SLC25A26: variants seen among roughly 807,000 people sequenced by gnomAD.
SLC25A26 encodes solute carrier family 25 member 26, also known as mitochondrial S-adenosylmethionine carrier protein.
A neutral mutation model predicts 37.8 loss-of-function variants in SLC25A26; 36 were observed. The observed-to-expected ratio is 0.95, with a 90% confidence interval of 0.73 to 1.26. The LOEUF (loss-of-function observed/expected upper bound fraction) is 1.26, where lower values mean the gene tolerates loss of function less well. Ranked by LOEUF, SLC25A26 falls within the 50% of genes most tolerant of loss-of-function variation. The pLI, the probability that SLC25A26 is intolerant of heterozygous loss-of-function variation, is 0.00. For synonymous variants in SLC25A26, 129 were observed against 122.5 expected (o/e 1.05, Z -0.35); for missense variants, 390 against 331.1 (o/e 1.18, Z -1.38).
intron 1 of SLC25A26, among the ~76,000 whole-genome samples, chr3:66,205,502 G>A (rs2071164646): frequency 6.6e-6 from 1 of 152,170 alleles, no homozygotes; most frequent in African/African-American, 2.4e-5. Context: ...ATAAACGCAA[G>A]GGTCTTGTGT....
chr3:66,300,079 T>C (rs2075027675), intron 5 of SLC25A26, among the ~76,000 whole-genome samples: 1 of 152,194 alleles, frequency 6.6e-6, no homozygotes, highest in Non-Finnish European at 1.5e-5. Flanking sequence ...TCTTTGAAGC[T>C]TGCTGTGTCA....
At chr3:66,202,876 C>A (rs2071128516) in intron 1 of SLC25A26, among the ~76,000 whole-genome samples, 1 of 152,106 alleles carries the variant, frequency 6.6e-6, no homozygotes, top group Non-Finnish European at 1.5e-5. Flanking sequence ...AATTAGTTTA[C>A]CATAACAAAA....
At chr3:66,158,639 G>T (rs1045214477) in intron 1 of SLC25A26, among the ~76,000 whole-genome samples, 2 of 152,136 alleles carry the variant, frequency 1.3e-5, no homozygotes, top group Non-Finnish European at 2.9e-5. Flanking sequence ...TTGGTTATGG[G>T]CTGGTTATTC....
At chr3:66,284,276 G>A (rs901550176) in intron 5 of SLC25A26, among the ~76,000 whole-genome samples, 1 of 152,200 alleles carries the variant, frequency 6.6e-6, no homozygotes, top group African/African-American at 2.4e-5. Flanking sequence ...TTGAGCCCAG[G>A]AAGTGGAGGC....
chr3:66,238,378 T>C (rs1275697929), intron 2 of SLC25A26, among the ~76,000 whole-genome samples: 5 of 150,720 alleles, frequency 3.3e-5, no homozygotes, highest in Admixed American at 6.6e-5. Context: ...TGTGTTTTAT[T>C]ATTATTATTA....
chr3:66,239,297 T>C (rs1200983565), intron 2 of SLC25A26, among the ~76,000 whole-genome samples: 7 of 151,938 alleles, frequency 4.6e-5, no homozygotes, highest in Non-Finnish European at 8.8e-5. Flanking sequence ...ACAATCTCTT[T>C]TATGGTTTTC....
At chr3:66,257,202 T>C (rs1010487393) in intron 3 of SLC25A26, among the ~76,000 whole-genome samples, 2 of 152,160 alleles carry the variant, frequency 1.3e-5, no homozygotes, top group Admixed American at 6.5e-5. Flanking sequence ...AGATAAGGTA[T>C]AATTTTGGAA....
At chr3:66,173,379 G>A (rs1465761582) in intron 1 of SLC25A26, among the ~76,000 whole-genome samples, 1 of 152,142 alleles carries the variant, frequency 6.6e-6, no homozygotes, top group Non-Finnish European at 1.5e-5. Flanking sequence ...TAGGGTACTG[G>A]TACCAGCAGA....
intron 5 of SLC25A26, among the ~76,000 whole-genome samples, chr3:66,269,646 G>A (rs1055093912): frequency 5.3e-5 from 8 of 152,074 alleles, no homozygotes; most frequent in East Asian, 3.8e-4. Context: ...AGCAACTATC[G>A]CCAGAACTTC....
In SLC25A26 at chr3:66,289,075, C is replaced by T. The variant is rs1313753062; in HGVS notation, c.453+25696C>T. On this transcript the variant is annotated intron_variant, in intron 5 of 9. Transcript: ENST00000354883. ...TTTTAATTTGCATTTCTCTAATGCC[C>T]ATTGATGATGAGCATTTTTTCATAT... is the stretch of plus-strand genomic sequence containing the variant. Among the ~76,000 whole-genome samples, 3 of 152,262 alleles carry T rather than the reference C, an allele frequency of 2.0e-5. No homozygotes were observed. In the East Asian group the frequency reaches 5.8e-4, roughly 29 times the overall value.
chr3:66,221,828 C>G (rs2071509263), intron 1 of SLC25A26, among the ~76,000 whole-genome samples: 1 of 150,004 alleles, frequency 6.7e-6, no homozygotes, highest in Non-Finnish European at 1.5e-5. Context: ...GTTTGGCTGC[C>G]TACGTTTTCA....
At chr3:66,183,401 C>G (rs1362513885) in intron 1 of SLC25A26, among the ~76,000 whole-genome samples, 1 of 152,040 alleles carries the variant, frequency 6.6e-6, no homozygotes, top group Non-Finnish European at 1.5e-5. Flanking sequence ...AACTCTGAGG[C>G]TAACCCTATG....
rs1199617173 is a variant in SLC25A26 at position 66,208,662 on chromosome 3, GTATA to G, written c.-353-12067_-353-12064del. 7.9e-4 allele frequency among the ~76,000 whole-genome samples: 94 copies of G among 118,378 alleles called. 1 individual carries two copies. The highest frequency in any genetic ancestry group is 1.1e-3 in the Non-Finnish European group (66 of 59,316). The allele number at this position is 118,378 out of a possible 152,430, so 77.7% of individuals were successfully genotyped here. A position where few individuals can be genotyped will look rare whatever the true frequency, so the allele number is the denominator to read the frequency against. Reference sequence around the variant, plus strand: ...TATATACACACACACCTTTATATGGGTATATATATATATATACACATTTATATGG... The same window carrying G: ...TATATACACACACACCTTTATATGGGTATATATATATACACATTTATATGG... On this transcript the variant is annotated intron_variant, in intron 1 of 10. Transcript: ENST00000676754.
intron 5 of SLC25A26, among the ~76,000 whole-genome samples, chr3:66,339,249 T>G (rs1452595996): frequency 6.6e-6 from 1 of 152,080 alleles, no homozygotes; most frequent in Admixed American, 6.5e-5. Flanking sequence ...TCAAGTCTTG[T>G]GCACATTTTA....
At chr3:66,162,286 C>T (rs943043988) in intron 1 of SLC25A26, among the ~76,000 whole-genome samples, 2 of 145,764 alleles carry the variant, frequency 1.4e-5, no homozygotes, top group Non-Finnish European at 3.0e-5. Flanking sequence ...GCCCCGTCTC[C>T]AAATAGAGTC....
chr3:66,220,986 C>A, upstream of SLC25A26: 1 of 1,199,818 alleles, frequency 8.3e-7, no homozygotes, highest in Non-Finnish European at 1.2e-6. Flanking sequence ...TCACGTGGTC[C>A]CGGAAGTTCA....
At chr3:66,231,423 A>G (rs968495231) in intron 1 of SLC25A26, among the ~76,000 whole-genome samples, 4 of 152,242 alleles carry the variant, frequency 2.6e-5, no homozygotes, top group African/African-American at 7.2e-5. Context: ...TATATTTGTA[A>G]TATTCATTAC....
At position 66,199,330 on chromosome 3, in the gene SLC25A26, C is replaced by T. The variant is rs957920755; in HGVS notation, c.-353-21412C>T. Among the ~76,000 whole-genome samples, 1,065 of 152,100 alleles carry T rather than the reference C, an allele frequency of 7.0e-3. 20 individuals carry two copies. The highest frequency in any genetic ancestry group is 0.024 in the African/African-American group (991 of 41,502). ...TGACACTGAAACTGACTCTGACCCT[C>T]ATCCTGACTTGGACTCTCACCCCTA... On this transcript the variant is annotated intron_variant, in intron 1 of 10. Coordinates refer to the SLC25A26 transcript ENST00000676754.
At chr3:66,205,211 G>A (rs983721434) in intron 1 of SLC25A26, among the ~76,000 whole-genome samples, 1 of 152,158 alleles carries the variant, frequency 6.6e-6, no homozygotes, top group African/African-American at 2.4e-5. Flanking sequence ...CCTTGAACAT[G>A]CATTCTTCTT....
Sources: allele counts gnomAD v4.1 joint callset (sites outside exome capture counted in the v4.1 genomes callset), GRCh38; gene constraint gnomAD v4.1.1; transcripts MANE v1.5; gene names NCBI Gene and HGNC (gene_info 2026-07-23, HGNC 2026-07-21).